The following ADGRL3 variants were observed in gnomAD, a reference collection of about 807,000 sequenced individuals.
The protein encoded by ADGRL3 is adhesion G protein-coupled receptor L3.
In ADGRL3, 62 loss-of-function variants were observed where a neutral mutation model predicts 153.5. The ratio of observed to expected loss-of-function variants is 0.40; its 90% CI spans 0.33 to 0.50. The LOEUF (loss-of-function observed/expected upper bound fraction) is 0.50, where lower values mean the gene tolerates loss of function less well. Ranked by LOEUF, ADGRL3 falls within the 20% of genes least tolerant of loss-of-function variation. The pLI is 0.47. For synonymous variants in ADGRL3, 710 were observed against 672.5 expected (o/e 1.06, Z -0.86); for missense variants, 1,641 against 1,859.4 (o/e 0.88, Z 2.16).
chr4:61,245,745 A>T (rs893925513), intron 1 of ADGRL3, among the ~76,000 whole-genome samples: 1 of 152,102 alleles, frequency 6.6e-6, no homozygotes, highest in South Asian at 2.1e-4. Context: ...CTTCCTATTT[A>T]TAATTATCAT....
chr4:61,511,847 A>G (rs937560460), intron 3 of ADGRL3, among the ~76,000 whole-genome samples: 1 of 152,192 alleles, frequency 6.6e-6, no homozygotes, highest in Non-Finnish European at 1.5e-5. Context: ...CAATTTCTAC[A>G]TGATGGCATC....
At chr4:61,525,566 G>A (rs1457482308) in intron 4 of ADGRL3, among the ~76,000 whole-genome samples, 2 of 152,100 alleles carry the variant, frequency 1.3e-5, no homozygotes, top group African/African-American at 4.8e-5. Flanking sequence ...CAATTGTGTG[G>A]GAAAAGTTAG....
intron 4 of ADGRL3, among the ~76,000 whole-genome samples, chr4:61,545,628 C>T (rs2098709946): frequency 6.6e-6 from 1 of 152,148 alleles, no homozygotes. Context: ...ATTCTCCGGC[C>T]TCAGCTTCCT....
intron 2 of ADGRL3, among the ~76,000 whole-genome samples, chr4:61,426,296 T>A (rs1379533277): frequency 6.6e-6 from 1 of 152,190 alleles, no homozygotes; most frequent in African/African-American, 2.4e-5. Context: ...GTGATCACCA[T>A]CCACACTGCT....
At position 61,291,583 on chromosome 4, in the gene ADGRL3, C is replaced by CATAT. The variant is rs1207822155; in HGVS notation, c.-240+89836_-240+89839dup. On this transcript the variant is annotated intron_variant, in intron 1 of 26. Transcript: ENST00000683033. ...ATATATATACATATATATATATATA[C>CATAT]ATATATATATATATATATATACACA... Among the ~76,000 whole-genome samples, 604 of 77,532 alleles carry CATAT rather than the reference C, an allele frequency of 7.8e-3. 7 individuals are homozygous for CATAT. Among genetic ancestry groups the CATAT allele is most frequent in the African/African-American group, 0.028 (546 of 19,830 alleles). The allele number at this position is 77,532 out of a possible 152,430, so 50.9% of individuals were successfully genotyped here. A position where few individuals can be genotyped will look rare whatever the true frequency, so the allele number is the denominator to read the frequency against.
intron 8 of ADGRL3, among the ~76,000 whole-genome samples, chr4:61,808,647 G>A (rs2097575764): frequency 6.6e-6 from 1 of 152,050 alleles, no homozygotes; most frequent in Admixed American, 6.6e-5. Flanking sequence ...AGTGGGACCT[G>A]AAGACAAAAA....
chr4:61,651,720 G>A (rs929816733), intron 5 of ADGRL3, among the ~76,000 whole-genome samples: 3 of 150,580 alleles, frequency 2.0e-5, no homozygotes, highest in Admixed American at 1.3e-4. Flanking sequence ...CAATTCCCTC[G>A]CCTCAACCTC....
intron 8 of ADGRL3, among the ~76,000 whole-genome samples, chr4:61,742,592 T>G (rs921642297): frequency 2.6e-5 from 4 of 152,136 alleles, no homozygotes; most frequent in African/African-American, 9.7e-5. Flanking sequence ...TTTTTAGCAT[T>G]TTTAAGTAGT....
At chr4:61,317,292 AAAG>A (rs2095244971) in intron 1 of ADGRL3, among the ~76,000 whole-genome samples, 1 of 152,212 alleles carries the variant, frequency 6.6e-6, no homozygotes, top group South Asian at 2.1e-4. Flanking sequence ...TTGTACTGCT[AAAG>A]AAGAAGTAAT....
At chr4:61,860,601 T>C (rs1307937386) in intron 9 of ADGRL3, among the ~76,000 whole-genome samples, 1 of 152,096 alleles carries the variant, frequency 6.6e-6, no homozygotes, top group East Asian at 1.9e-4. Flanking sequence ...GCCAGCATTA[T>C]ACAATTCTTA....
intron 8 of ADGRL3, among the ~76,000 whole-genome samples, chr4:61,743,827 G>T (rs1049326563): frequency 1.1e-4 from 16 of 152,202 alleles, no homozygotes; most frequent in Non-Finnish European, 2.1e-4. Context: ...GAGGTACCGG[G>T]TTCATCTCAC....
intron 5 of ADGRL3, among the ~76,000 whole-genome samples, chr4:61,637,083 G>A (rs573038950): frequency 6.6e-6 from 1 of 152,096 alleles, no homozygotes; most frequent in Non-Finnish European, 1.5e-5. Context: ...CCAGCACAGA[G>A]AGCCACTGTT....
chr4:61,360,772 T>C (rs1454060510), intron 1 of ADGRL3, among the ~76,000 whole-genome samples: 1 of 152,152 alleles, frequency 6.6e-6, no homozygotes, highest in East Asian at 1.9e-4. Flanking sequence ...ATACTAGAAA[T>C]ACAATACTTT....
At chr4:61,890,581 C>T (rs1048001309) in intron 9 of ADGRL3, among the ~76,000 whole-genome samples, 2 of 152,116 alleles carry the variant, frequency 1.3e-5, no homozygotes, top group African/African-American at 4.8e-5. Flanking sequence ...TTATCAGAAA[C>T]CCATTTCCAA....
chr4:61,655,003 T>G (rs908371218), intron 5 of ADGRL3, among the ~76,000 whole-genome samples: 1 of 152,192 alleles, frequency 6.6e-6, no homozygotes, highest in Admixed American at 6.5e-5. Context: ...AATAATTATC[T>G]AAGACTTATG....
At chr4:62,036,409 C>T (rs1419180641) in intron 23 of ADGRL3, among the ~76,000 whole-genome samples, 2 of 152,042 alleles carry the variant, frequency 1.3e-5, no homozygotes, top group Non-Finnish European at 2.9e-5. Context: ...CACTCCTCTT[C>T]TATGCTTGAG....
At chr4:61,453,811 T>C (rs1313805082) in intron 2 of ADGRL3, among the ~76,000 whole-genome samples, 2 of 152,168 alleles carry the variant, frequency 1.3e-5, no homozygotes, top group African/African-American at 4.8e-5. Flanking sequence ...CTACTGTGAC[T>C]GAGAGACTTG....
intron 9 of ADGRL3, among the ~76,000 whole-genome samples, chr4:61,878,159 A>G (rs2098486786): frequency 6.6e-6 from 1 of 152,168 alleles, no homozygotes; most frequent in African/African-American, 2.4e-5. Flanking sequence ...TGTGTAATCT[A>G]TGTCCTAATC....
chr4:61,598,740 A>C (rs2098999313), intron 5 of ADGRL3, among the ~76,000 whole-genome samples: 1 of 152,226 alleles, frequency 6.6e-6, no homozygotes, highest in Non-Finnish European at 1.5e-5. Flanking sequence ...AATTAATTTC[A>C]TGAAAAAATG....
Sources: gnomAD v4.1 joint callset for allele counts (sites outside exome capture counted in the v4.1 genomes callset) on GRCh38, gnomAD v4.1.1 for gene constraint, MANE v1.5 for transcripts, NCBI Gene and HGNC (gene_info 2026-07-23, HGNC 2026-07-21) for gene names.